Variants in PLXNC1 observed in about 807,000 individuals in gnomAD.
PLXNC1 encodes the protein plexin-C1.
In PLXNC1, 75 loss-of-function variants were observed where a neutral mutation model predicts 178.2. The ratio of observed to expected loss-of-function variants is 0.42; its 90% CI spans 0.35 to 0.51. The LOEUF (loss-of-function observed/expected upper bound fraction) is 0.51, where lower values mean the gene tolerates loss of function less well. Among genes scored for constraint, PLXNC1 ranks in the 20% least tolerant of loss-of-function variants. The pLI is 0.02. For synonymous variants in PLXNC1, 790 were observed against 779.9 expected (o/e 1.01, Z -0.22); for missense variants, 1,503 against 1,984.4 (o/e 0.76, Z 4.61).
In PLXNC1 at chr12:94,306,006, G is replaced by T. The variant is rs1968964394; in HGVS notation, c.*721G>T. ...GAACAGCATTTTAACCAGATACTTT[G>T]TCCTAATGTATGTTCCTTTTCTTCA... On this transcript the variant is annotated 3_prime_UTR_variant, in exon 31 of 31. Transcript: ENST00000258526. The T allele has an allele frequency of 6.6e-6, 1 of 152,092 alleles. No homozygotes were observed. Among genetic ancestry groups the T allele is most frequent in the South Asian group, 2.1e-4 (1 of 4,826 alleles). 9.4% of individuals were successfully genotyped at this position (152,092 alleles called of 1,614,324 possible). A position where few individuals can be genotyped will look rare whatever the true frequency, so the allele number is the denominator to read the frequency against.
intron 3 of PLXNC1, 104 bp downstream of exon 3, chr12:94,181,684 G>A (rs548808378): frequency 2.0e-6 from 2 of 1,023,508 alleles, no homozygotes; most frequent in East Asian, 4.9e-5. Context: ...CAGAGTTTAA[G>A]CAGTGCCCCA....
At position 94,149,121 on chromosome 12, in the gene PLXNC1, G is replaced by C. The variant is rs747391353; in HGVS notation, c.150G>C (p.Ala50=). The C allele has an allele frequency of 6.3e-7, 1 of 1,587,598 alleles. No individual in the cohort carries two copies. The highest frequency in any genetic ancestry group is 8.5e-7 in the Non-Finnish European group (1 of 1,172,234). Residue 50 remains alanine (A), a synonymous_variant, in exon 1 of 31, where the codon GCG becomes GCC. Coordinates refer to ENST00000258526, the MANE Select transcript of PLXNC1 (RefSeq NM_005761.3). ...CGGAGCAAGCCATCGGAGCCATCGC[G>C]GCGAGCCAGGAGGACGGCGTGTTTG... ...WRSEQAIGAI[A]ASQEDGVFVA...
At chr12:94,253,330 C>T (rs1964754010) in intron 15 of PLXNC1, among the ~76,000 whole-genome samples, 1 of 149,808 alleles carries the variant, frequency 6.7e-6, no homozygotes, top group Non-Finnish European at 1.5e-5. Flanking sequence ...TCTATACACT[C>T]ATTTATTCAC....
At chr12:94,267,285 C>T (rs953994175) in intron 21 of PLXNC1, among the ~76,000 whole-genome samples, 1 of 152,212 alleles carries the variant, frequency 6.6e-6, no homozygotes, top group African/African-American at 2.4e-5. Flanking sequence ...ATGTCTGAGG[C>T]AACTTTTGAG....
At chr12:94,177,603 G>A (rs1962152415) in intron 2 of PLXNC1, among the ~76,000 whole-genome samples, 1 of 148,508 alleles carries the variant, frequency 6.7e-6, no homozygotes, top group South Asian at 2.1e-4. Flanking sequence ...AAGGAAGGGA[G>A]AGGAGAGGAG....
At chr12:94,159,797 G>T (rs1458374259) in intron 1 of PLXNC1, among the ~76,000 whole-genome samples, 2 of 152,218 alleles carry the variant, frequency 1.3e-5, no homozygotes, top group Non-Finnish European at 2.9e-5. Flanking sequence ...ACCTGCAGGA[G>T]GCTCTTGCAG....
chr12:94,200,669 A>G (rs79749471), intron 4 of PLXNC1, among the ~76,000 whole-genome samples: 31 of 152,286 alleles, frequency 2.0e-4, no homozygotes, highest in African/African-American at 7.5e-4. Context: ...CTGACTCAAG[A>G]GGTGTCATTT....
chr12:94,191,534 A>G (rs1000518169), intron 4 of PLXNC1, among the ~76,000 whole-genome samples: 2 of 152,210 alleles, frequency 1.3e-5, no homozygotes, highest in African/African-American at 2.4e-5. Flanking sequence ...CTGTAATCCC[A>G]GCACTTTGGG....
At chr12:94,301,859 C>T (rs952786545) in intron 28 of PLXNC1, among the ~76,000 whole-genome samples, 4 of 152,144 alleles carry the variant, frequency 2.6e-5, no homozygotes, top group Non-Finnish European at 1.5e-5. Context: ...GAATCCTCAA[C>T]GTTATCTTTG....
At chr12:94,209,789 C>A in intron 5 of PLXNC1, 85 bp downstream of exon 5, 2 of 827,140 alleles carry the variant, frequency 2.4e-6, no homozygotes, top group Non-Finnish European at 4.1e-6. Context: ...TGTAAAATAT[C>A]CATTAGCAAT....
At chr12:94,150,178 G>A in intron 1 of PLXNC1, 145 bp downstream of exon 1, 1 of 690,534 alleles carries the variant, frequency 1.4e-6, no homozygotes. Flanking sequence ...CACCGCGGGC[G>A]GCCGTCCGAA....
intron 1 of PLXNC1, among the ~76,000 whole-genome samples, chr12:94,165,203 T>G (rs1961564680): frequency 6.6e-6 from 1 of 152,242 alleles, no homozygotes; most frequent in Admixed American, 6.5e-5. Flanking sequence ...CACAGGGGGC[T>G]GACTGCACTG....
In PLXNC1 at chr12:94,149,289, C is replaced by T; in HGVS notation, c.318C>T (p.Ser106=). ...PARPRPGSSF[S]KLLLPYREGA... ...GGCCCCGGCCCGGGAGCAGCTTCAG[C>T]AAGCTGCTGCTGCCCTACCGCGAGG... Residue 106 remains serine, a synonymous_variant, in exon 1 of 31, where the codon AGC becomes AGT. Transcript: ENST00000258526. 1 of 1,500,506 alleles carries T rather than the reference C, an allele frequency of 6.7e-7. No homozygotes were observed. The highest frequency in any genetic ancestry group is 8.8e-7 in the Non-Finnish European group (1 of 1,133,728). 92.9% of individuals were successfully genotyped at this position (1,500,506 alleles called of 1,614,324 possible). A position where few individuals can be genotyped will look rare whatever the true frequency, so the allele number is the denominator to read the frequency against.
chr12:94,177,525 G>GAAA (rs1440593580), intron 2 of PLXNC1, among the ~76,000 whole-genome samples: 6 of 91,956 alleles, frequency 6.5e-5, no homozygotes, highest in African/African-American at 2.5e-4. Flanking sequence ...GAGAGAGAGA[G>GAAA]GGAGAAAGAA....
At chr12:94,298,074 A>C (rs1968106584) in intron 26 of PLXNC1, among the ~76,000 whole-genome samples, 1 of 152,222 alleles carries the variant, frequency 6.6e-6, no homozygotes, top group Admixed American at 6.5e-5. Context: ...TATAACAAAG[A>C]ATCTGCTTAG....
chr12:94,187,192 G>GAAAA (rs3037610), intron 4 of PLXNC1, among the ~76,000 whole-genome samples: 60 of 148,650 alleles, frequency 4.0e-4, no homozygotes, highest in Middle Eastern at 3.5e-3. Context: ...GAGAGAGAGA[G>GAAAA]AAAAAAAAAC....
chr12:94,283,548 G>A (rs770097393), intron 23 of PLXNC1, among the ~76,000 whole-genome samples: 16 of 152,208 alleles, frequency 1.1e-4, no homozygotes, highest in Admixed American at 2.0e-4. Flanking sequence ...TTGGCTGTAC[G>A]GGAGACGGGA....
intron 4 of PLXNC1, among the ~76,000 whole-genome samples, chr12:94,188,820 C>A (rs1276671005): frequency 6.6e-6 from 1 of 152,222 alleles, no homozygotes; most frequent in Admixed American, 6.5e-5. Context: ...GCCCCTCACC[C>A]TCAGTGGTAG....
intron 2 of PLXNC1, among the ~76,000 whole-genome samples, chr12:94,179,958 G>T (rs1962247447): frequency 6.6e-6 from 1 of 152,126 alleles, no homozygotes; most frequent in Non-Finnish European, 1.5e-5. Context: ...TCAAAGTAGT[G>T]CAGCTACTTA....
Sources: gnomAD v4.1 joint callset for allele counts (sites outside exome capture counted in the v4.1 genomes callset) on GRCh38, gnomAD v4.1.1 for gene constraint, MANE v1.5 for transcripts, NCBI Gene and HGNC (gene_info 2026-07-23, HGNC 2026-07-21) for gene names.